The following RAPGEF4 variants were observed in gnomAD, a reference collection of about 807,000 sequenced individuals.
The protein encoded by RAPGEF4 is RAP guanine-nucleotide-exchange factor (GEF) 4.
Under a neutral mutation model 147.9 loss-of-function variants are expected in RAPGEF4, and 66 were observed. The ratio of observed to expected loss-of-function variants is 0.45; its 90% CI spans 0.37 to 0.55. RAPGEF4 has a LOEUF of 0.55. Among genes scored for constraint, RAPGEF4 ranks in the 20% least tolerant of loss-of-function variants. The pLI is 0.00. For synonymous variants in RAPGEF4, 419 were observed against 442.7 expected (o/e 0.95, Z 0.67); for missense variants, 1,071 against 1,257.3 (o/e 0.85, Z 2.24).
chr2:173,047,960 G>A (rs1286879142), intron 29 of RAPGEF4, among the ~76,000 whole-genome samples: 2 of 152,350 alleles, frequency 1.3e-5, no homozygotes, highest in African/African-American at 2.4e-5. Context: ...ACAGGCGTGA[G>A]CCACTGCACC....
intron 5 of RAPGEF4, among the ~76,000 whole-genome samples, chr2:172,918,576 C>T (rs979412585): frequency 2.0e-5 from 3 of 152,084 alleles, no homozygotes; most frequent in South Asian, 2.1e-4. Flanking sequence ...AGCAAAGAAA[C>T]GAAGTTTTTC....
intron 17 of RAPGEF4, among the ~76,000 whole-genome samples, chr2:173,013,050 T>G (rs890808980): frequency 1.2e-4 from 18 of 152,286 alleles, no homozygotes; most frequent in African/African-American, 4.3e-4. Context: ...CAATTTTCTT[T>G]TTTATGAATC....
At chr2:173,002,135 T>A (rs1426917954) in intron 17 of RAPGEF4, among the ~76,000 whole-genome samples, 4 of 152,130 alleles carry the variant, frequency 2.6e-5, no homozygotes, top group Non-Finnish European at 5.9e-5. Context: ...GTGGTCGGCT[T>A]GTGTTCCTCC....
Position 172,907,256 on chromosome 2 carries a change from T to C in RAPGEF4, c.445-10546T>C, listed in dbSNP as rs559203033. Among the ~76,000 whole-genome samples the C allele has an allele frequency of 3.3e-5, 5 of 152,350 alleles. No individual in the cohort carries two copies. In the East Asian group the frequency reaches 5.8e-4, roughly 18 times the overall value. ...TTGTATTTGTCAGTATAATAATACA[T>C]TTGCAACTCAATCTGGGGACAGGCA... is the stretch of plus-strand genomic sequence containing the variant. On this transcript the variant is annotated intron_variant, in intron 4 of 30. Coordinates refer to ENST00000397081, the MANE Select transcript of RAPGEF4 (RefSeq NM_007023.4).
intron 6 of RAPGEF4, among the ~76,000 whole-genome samples, chr2:172,942,372 T>C (rs755088336): frequency 6.6e-6 from 1 of 151,712 alleles, no homozygotes; most frequent in Non-Finnish European, 1.5e-5. Flanking sequence ...CTCTCTAAGA[T>C]TAAAGGACCA....
At chr2:172,839,980 C>G (rs761339140) in intron 4 of RAPGEF4, among the ~76,000 whole-genome samples, 1 of 152,122 alleles carries the variant, frequency 6.6e-6, no homozygotes, top group Non-Finnish European at 1.5e-5. Flanking sequence ...GTGAAATGAT[C>G]AATATCATAT....
At chr2:172,814,113 G>C (rs567105556) in intron 3 of RAPGEF4, among the ~76,000 whole-genome samples, 166 bp from the exon 4 acceptor site, 1 of 152,284 alleles carries the variant, frequency 6.6e-6, no homozygotes, top group African/African-American at 2.4e-5. Context: ...GTTCTGTCTT[G>C]ATCTGGTTGG....
intron 4 of RAPGEF4, among the ~76,000 whole-genome samples, chr2:172,837,516 T>G: frequency 6.6e-6 from 1 of 152,180 alleles, no homozygotes; most frequent in Non-Finnish European, 1.5e-5. Context: ...AACAAACCAA[T>G]AAACAAGTAA....
chr2:172,982,738 G>A (rs1575438328), intron 10 of RAPGEF4, among the ~76,000 whole-genome samples: 1 of 152,262 alleles, frequency 6.6e-6, no homozygotes, highest in South Asian at 2.1e-4. Flanking sequence ...ATTATATACT[G>A]AGTCCTTGAA....
chr2:172,880,596 A>G (rs114574484), intron 4 of RAPGEF4, among the ~76,000 whole-genome samples: 1,823 of 152,350 alleles, frequency 0.012, 20 homozygotes, highest in Middle Eastern at 0.044. Flanking sequence ...GGAAATGTAT[A>G]GAAGCACGAT....
At chr2:172,750,383 G>A (rs948920787) in intron 1 of RAPGEF4, among the ~76,000 whole-genome samples, 2 of 152,018 alleles carry the variant, frequency 1.3e-5, no homozygotes, top group African/African-American at 4.8e-5. Context: ...GCAGGCAAGA[G>A]AGAGAATTAG....
chr2:172,928,652 C>T (rs1685614765), intron 6 of RAPGEF4, among the ~76,000 whole-genome samples: 1 of 152,142 alleles, frequency 6.6e-6, no homozygotes, highest in Admixed American at 6.6e-5. Flanking sequence ...TAAAATCTCT[C>T]TTATGAAATA....
At chr2:172,888,772 A>T (rs1043956560) in intron 4 of RAPGEF4, among the ~76,000 whole-genome samples, 2 of 152,218 alleles carry the variant, frequency 1.3e-5, no homozygotes, top group Non-Finnish European at 2.9e-5. Context: ...TTCATGAAAG[A>T]TTGAATTCAA....
chr2:173,015,027 T>G (rs1695383591), intron 18 of RAPGEF4, among the ~76,000 whole-genome samples: 1 of 152,216 alleles, frequency 6.6e-6, no homozygotes, highest in African/African-American at 2.4e-5. Context: ...CACAGATATA[T>G]TTATGTGTTC....
intron 11 of RAPGEF4, 97 bp downstream of exon 11, chr2:172,983,677 G>A: frequency 6.7e-7 from 1 of 1,501,886 alleles, no homozygotes; most frequent in Middle Eastern, 1.8e-4. Flanking sequence ...GGGAAAGAAT[G>A]TCTGATTTTC....
rs1695335419 is a variant in RAPGEF4 at position 173,014,611 on chromosome 2, G to A, written c.1806G>A (p.Leu602=). 1 of 1,612,478 alleles carries A rather than the reference G, an allele frequency of 6.2e-7. No individual in the cohort carries two copies. The highest frequency in any genetic ancestry group is 1.7e-5 in the Admixed American group (1 of 59,890). ...LQEDDVSMAF[L]EEFYVSVSDD... Reference sequence around the variant, plus strand: ...AGGATGACGTGTCTATGGCCTTCCTGGAGGTAGGCAGGGGTCATCTCTTCC... The same window carrying A: ...AGGATGACGTGTCTATGGCCTTCCTAGAGGTAGGCAGGGGTCATCTCTTCC... The change falls in exon 18 of 31, where the codon CTG becomes CTA. Residue 602 remains leucine, a synonymous_variant. Coordinates refer to ENST00000397081, the MANE Select transcript of RAPGEF4 (RefSeq NM_007023.4).
At chr2:172,962,203 C>T (rs576918016) in intron 8 of RAPGEF4, among the ~76,000 whole-genome samples, 192 of 152,286 alleles carry the variant, frequency 1.3e-3, no homozygotes, top group African/African-American at 4.4e-3. Flanking sequence ...CTTCCCAAAC[C>T]CAGGGCTCAG....
intron 4 of RAPGEF4, among the ~76,000 whole-genome samples, chr2:172,836,084 C>T (rs184343262): frequency 6.6e-6 from 1 of 152,208 alleles, no homozygotes; most frequent in African/African-American, 2.4e-5. Flanking sequence ...GGAAATATAC[C>T]TTCCACTCCA....
At chr2:172,764,767 A>T (rs1696672798) in intron 1 of RAPGEF4, among the ~76,000 whole-genome samples, 1 of 152,134 alleles carries the variant, frequency 6.6e-6, no homozygotes, top group Admixed American at 6.5e-5. Context: ...TTGGTGATGG[A>T]GATTGACAAA....
Sources: gnomAD v4.1 joint callset for allele counts (sites outside exome capture counted in the v4.1 genomes callset) on GRCh38, gnomAD v4.1.1 for gene constraint, MANE v1.5 for transcripts, NCBI Gene and HGNC (gene_info 2026-07-23, HGNC 2026-07-21) for gene names.